The following SPARCL1 variants were observed in gnomAD, a reference collection of about 807,000 sequenced individuals.
SPARCL1 encodes SPARC-like protein 1.
In SPARCL1, 52 loss-of-function variants were observed where a neutral mutation model predicts 67.1. The observed-to-expected ratio is 0.78, with a 90% CI of 0.62 to 0.98. The LOEUF is 0.98. SPARCL1 is among the 50% of genes least tolerant of loss of function. SPARCL1 has a pLI of 0.00. For missense variants in SPARCL1, 717 were observed against 782.4 expected, an observed-to-expected ratio of 0.92 and a Z score of 1.00; for synonymous variants, 226 against 267.8, an observed-to-expected ratio of 0.84 and a Z score of 1.52.
intron 4 of SPARCL1, 62 bp from the exon 5 acceptor site, chr4:87,491,752 A>G: frequency 4.4e-6 from 5 of 1,125,620 alleles, no homozygotes; most frequent in South Asian, 1.2e-5. Context: ...CTTAATTTAT[A>G]TTTCCACTGT....
intron 1 of SPARCL1, among the ~76,000 whole-genome samples, chr4:87,512,921 T>C (rs1725429628): frequency 1.3e-5 from 2 of 152,222 alleles, no homozygotes; most frequent in Non-Finnish European, 2.9e-5. Flanking sequence ...ATTGTGTAGC[T>C]TTTGGGGGCT....
In SPARCL1 at chr4:87,520,246, C is replaced by CAAAAAAAAAAAAAA; in HGVS notation, c.-12+8785_-12+8798dup. 1.9e-5 allele frequency among the ~76,000 whole-genome samples: 2 copies of CAAAAAAAAAAAAAA among 105,232 alleles called. 1 individual carries two copies. Among genetic ancestry groups the CAAAAAAAAAAAAAA allele is most frequent in the African/African-American group, 7.7e-5 (2 of 25,824 alleles). The allele number at this position is 105,232 out of a possible 152,430, so 69.0% of individuals were successfully genotyped here. On this transcript the variant is annotated intron_variant, in intron 1 of 10. Coordinates refer to ENST00000282470, the MANE Select transcript of SPARCL1 (RefSeq NM_004684.6). Reference sequence around the variant, plus strand: ...TGGGTGACAGAGCCAGACACTGTCTCAAAAAAAAAAAAAAAAAAAAGTTGT... The same window carrying CAAAAAAAAAAAAAA: ...TGGGTGACAGAGCCAGACACTGTCTCAAAAAAAAAAAAAAAAAAAAAAAAAAAAAAAAAAGTTGT...
chr4:87,513,887 G>C (rs745625861), intron 1 of SPARCL1, among the ~76,000 whole-genome samples: 1 of 152,142 alleles, frequency 6.6e-6, no homozygotes, highest in Non-Finnish European at 1.5e-5. Context: ...ACCATACCGA[G>C]GAAATAGGAA....
At chr4:87,496,857 T>G (rs1281700315) in intron 2 of SPARCL1, among the ~76,000 whole-genome samples, 1 of 151,992 alleles carries the variant, frequency 6.6e-6, no homozygotes, top group Non-Finnish European at 1.5e-5. Context: ...AGTCATGGAG[T>G]ACAGGATTTA....
intron 10 of SPARCL1, among the ~76,000 whole-genome samples, chr4:87,477,789 C>A (rs1327416797): frequency 6.6e-6 from 1 of 152,194 alleles, no homozygotes; most frequent in Non-Finnish European, 1.5e-5. Flanking sequence ...AGGTTAGTTA[C>A]TGTGAGATTC....
intron 10 of SPARCL1, among the ~76,000 whole-genome samples, chr4:87,474,459 T>C (rs1371022575): frequency 1.3e-5 from 2 of 152,070 alleles, no homozygotes; most frequent in Non-Finnish European, 2.9e-5. Context: ...TCATTAGTTA[T>C]ACGTTTACTT....
intron 1 of SPARCL1, among the ~76,000 whole-genome samples, chr4:87,513,383 A>T (rs1189535826): frequency 6.6e-6 from 1 of 152,210 alleles, no homozygotes; most frequent in Non-Finnish European, 1.5e-5. Flanking sequence ...CCCCAAACAG[A>T]CTAGTGAACA....
At chr4:87,508,378 T>C (rs77654033) in intron 1 of SPARCL1, among the ~76,000 whole-genome samples, 9 of 151,884 alleles carry the variant, frequency 5.9e-5, no homozygotes, top group Admixed American at 5.2e-4. Flanking sequence ...TTTTTTTTTT[T>C]CTGTAGAGAC....
At chr4:87,490,066 G>C (rs1036511616) in intron 7 of SPARCL1, among the ~76,000 whole-genome samples, 5 of 152,180 alleles carry the variant, frequency 3.3e-5, no homozygotes, top group African/African-American at 1.2e-4. Flanking sequence ...AAAAAACAAT[G>C]TCAGGATTCC....
chr4:87,496,852 T>C (rs1443585879), intron 2 of SPARCL1, among the ~76,000 whole-genome samples: 1 of 152,166 alleles, frequency 6.6e-6, no homozygotes, highest in Non-Finnish European at 1.5e-5. Context: ...GTAATAGTCA[T>C]GGAGTACAGG....
At chr4:87,476,806 T>C (rs1723602956) in intron 10 of SPARCL1, among the ~76,000 whole-genome samples, 1 of 152,222 alleles carries the variant, frequency 6.6e-6, no homozygotes, top group Non-Finnish European at 1.5e-5. Flanking sequence ...GTGAGGAATA[T>C]ATGAGCACGT....
intron 1 of SPARCL1, among the ~76,000 whole-genome samples, chr4:87,510,468 A>C (rs924215630): frequency 1.3e-5 from 2 of 152,078 alleles, no homozygotes; most frequent in African/African-American, 4.8e-5. Context: ...CCCCGTCCCC[A>C]TCCTGTGCCC....
Position 87,529,209 on chromosome 4 carries a change from T to G in SPARCL1, c.-176A>C, listed in dbSNP as rs1009816820. On this transcript the variant is annotated 5_prime_UTR_variant, in exon 1 of 11. Transcript: ENST00000282470. ...TGCCCAGAGGCATATTCAAGTCTACTGGAGTTGAAATTCTGCTGCTCTGTC... is the reference window on the plus strand; with the variant it reads ...TGCCCAGAGGCATATTCAAGTCTACGGGAGTTGAAATTCTGCTGCTCTGTC... The G allele has an allele frequency of 1.3e-5, 2 of 152,216 alleles. No individual in the cohort carries two copies. Among genetic ancestry groups the G allele is most frequent in the Non-Finnish European group, 2.9e-5 (2 of 68,040 alleles). 9.4% of individuals were successfully genotyped at this position (152,216 alleles called of 1,614,324 possible).
intron 1 of SPARCL1, among the ~76,000 whole-genome samples, chr4:87,519,675 G>C (rs1199616444): frequency 6.6e-6 from 1 of 152,096 alleles, no homozygotes; most frequent in African/African-American, 2.4e-5. Context: ...CACACATTCA[G>C]TGGAGTACAG....
At chr4:87,484,346 T>TCCCCATTGC (rs141063914) in intron 7 of SPARCL1, among the ~76,000 whole-genome samples, 32,308 of 151,938 alleles carry the variant, frequency 0.21, 5,134 homozygotes, top group African/African-American at 0.45. Context: ...AGGAATCCTT[T>TCCCCATTGC]CCCCATTGCT....
chr4:87,508,782 A>ATGTGTGTGTGTG (rs71667857), intron 1 of SPARCL1, among the ~76,000 whole-genome samples: 56 of 140,116 alleles, frequency 4.0e-4, no homozygotes, highest in African/African-American at 1.0e-3. Flanking sequence ...GATGAAACAT[A>ATGTGTGTGTGTG]TGTGTGTGTG....
chr4:87,513,884 C>A (rs73840204), intron 1 of SPARCL1, among the ~76,000 whole-genome samples: 1 of 152,106 alleles, frequency 6.6e-6, no homozygotes, highest in African/African-American at 2.4e-5. Context: ...TAAACCATAC[C>A]GAGGAAATAG....
rs1304279187 is a variant in SPARCL1 at position 87,482,567 on chromosome 4, C to A, written c.1532-7G>T. 2 of 1,613,816 alleles carry A rather than the reference C, an allele frequency of 1.2e-6. No individual in the cohort carries two copies. Among genetic ancestry groups the A allele is most frequent in the Admixed American group, 1.7e-5 (1 of 60,002 alleles). On this transcript the variant is annotated splice_region_variant and splice_polypyrimidine_tract_variant and intron_variant, in intron 7 of 10. Coordinates refer to ENST00000282470, the MANE Select transcript of SPARCL1 (RefSeq NM_004684.6). ...TCCGTACAAGTAGGAATAGCTGTTA[C>A]AAGCAGAAAATGTACTGTAATCTTT...
At chr4:87,473,829 A>T in intron 10 of SPARCL1, 26 bp from the exon 11 acceptor site, 1 of 1,568,012 alleles carries the variant, frequency 6.4e-7, no homozygotes. Context: ...AAGCAAAATG[A>T]CACTTTTAGA....
Sources: gnomAD v4.1 joint callset for allele counts (sites outside exome capture counted in the v4.1 genomes callset) on GRCh38, gnomAD v4.1.1 for gene constraint, MANE v1.5 for transcripts, NCBI Gene and HGNC (gene_info 2026-07-23, HGNC 2026-07-21) for gene names.